The following PXDNL variants were observed in gnomAD, a reference collection of about 807,000 sequenced individuals.
PXDNL encodes peroxidasin like.
Under a neutral mutation model 150.8 loss-of-function variants are expected in PXDNL, and 145 were observed. That is an observed-to-expected ratio of 0.96 (90% CI 0.84 to 1.10). PXDNL has a LOEUF of 1.10. Among genes scored for constraint, PXDNL ranks in the 50% least tolerant of loss-of-function variants. The pLI, the probability that PXDNL is intolerant of heterozygous loss-of-function variation, is 0.00. For missense variants in PXDNL, 2,087 were observed against 1,873.9 expected (o/e 1.11, Z -2.10); for synonymous variants, 757 against 725.7 (o/e 1.04, Z -0.69).
intron 1 of PXDNL, among the ~76,000 whole-genome samples, chr8:51,747,723 A>C (rs1174863794): frequency 6.6e-6 from 1 of 152,228 alleles, no homozygotes; most frequent in African/African-American, 2.4e-5. Context: ...CTGGTGTCAC[A>C]GTAGCTCTGT....
rs1816882430 is a variant in PXDNL at position 51,729,764 on chromosome 8, T to G, written c.165-75004A>C. Among the ~76,000 whole-genome samples, 4 of 152,228 alleles carry G rather than the reference T, an allele frequency of 2.6e-5. No homozygotes were observed. The South Asian group carries it at 8.3e-4, about 32-fold the overall frequency. On this transcript the variant is annotated intron_variant, in intron 1 of 22. Transcript: ENST00000356297. Reference sequence around the variant, plus strand: ...AATAAGATGTCTTTCATCAGGTGAATGGATAAACTGTAGTACATCCACACC... The same window carrying G: ...AATAAGATGTCTTTCATCAGGTGAAGGGATAAACTGTAGTACATCCACACC...
chr8:51,636,428 AATGTGT>A (rs1814604123), intron 2 of PXDNL, among the ~76,000 whole-genome samples: 1 of 152,216 alleles, frequency 6.6e-6, no homozygotes. Context: ...CAGATGGCAT[AATGTGT>A]ATCTAGAAAA....
chr8:51,461,228 C>A (rs1810071758), intron 8 of PXDNL, among the ~76,000 whole-genome samples: 1 of 152,202 alleles, frequency 6.6e-6, no homozygotes, highest in South Asian at 2.1e-4. Flanking sequence ...AGAGGAGGAA[C>A]TGCCAATCTC....
intron 7 of PXDNL, among the ~76,000 whole-genome samples, chr8:51,473,006 T>C (rs1810382134): frequency 6.6e-6 from 1 of 152,168 alleles, no homozygotes. Context: ...TTATCTGAAA[T>C]TTCCTGTCAT....
intron 1 of PXDNL, among the ~76,000 whole-genome samples, chr8:51,779,380 C>G (rs922363363): frequency 2.0e-5 from 3 of 152,180 alleles, no homozygotes; most frequent in African/African-American, 7.2e-5. Flanking sequence ...GAACTGCCAT[C>G]CAATCCAAAC....
chr8:51,651,553 A>T (rs111515366), intron 2 of PXDNL, among the ~76,000 whole-genome samples: 2 of 152,150 alleles, frequency 1.3e-5, no homozygotes, highest in African/African-American at 4.8e-5. Flanking sequence ...TTGCTTTTCA[A>T]TTAGGCCTTC....
At chr8:51,805,631 C>G (rs2037668010) in intron 1 of PXDNL, among the ~76,000 whole-genome samples, 2 of 151,798 alleles carry the variant, frequency 1.3e-5, no homozygotes. Flanking sequence ...ATTATTTGGA[C>G]AGCAAAGAAA....
At chr8:51,693,858 A>G (rs1317255647) in intron 1 of PXDNL, among the ~76,000 whole-genome samples, 1 of 152,228 alleles carries the variant, frequency 6.6e-6, no homozygotes, top group Non-Finnish European at 1.5e-5. Flanking sequence ...ACTATAAATG[A>G]CACAAAACAT....
At chr8:51,808,866 A>C (rs895805022) in intron 1 of PXDNL, among the ~76,000 whole-genome samples, 2 of 152,230 alleles carry the variant, frequency 1.3e-5, no homozygotes, top group African/African-American at 4.8e-5. Context: ...GTAGAGGATG[A>C]ATAGGAATAA....
intron 4 of PXDNL, among the ~76,000 whole-genome samples, chr8:51,515,360 G>A (rs1475846441): frequency 1.3e-5 from 2 of 152,148 alleles, no homozygotes; most frequent in Non-Finnish European, 2.9e-5. Context: ...AGGCATTGTC[G>A]AGAGGTGGAG....
At chr8:51,517,746 A>G (rs1811575793) in intron 4 of PXDNL, among the ~76,000 whole-genome samples, 1 of 152,196 alleles carries the variant, frequency 6.6e-6, no homozygotes, top group South Asian at 2.1e-4. Flanking sequence ...TCAGAGGGAG[A>G]GCCGAGATTA....
At chr8:51,348,872 G>T (rs1444531923) in intron 19 of PXDNL, among the ~76,000 whole-genome samples, 2 of 152,114 alleles carry the variant, frequency 1.3e-5, no homozygotes, top group Non-Finnish European at 2.9e-5. Context: ...AGACTCAAAA[G>T]CCATAACACT....
rs577865133 is a variant in PXDNL, at chr8:51,461,302, G to A, written c.813-3635C>T. The stretch of plus-strand genomic sequence containing the variant: ...GCACAGGAGCTGGGTGTGCTTCCCC[G>A]CCACAGGGCTAGTATGGGAAGGGTG... On this transcript the variant is annotated intron_variant, in intron 8 of 22. Coordinates refer to ENST00000356297, the MANE Select transcript of PXDNL (RefSeq NM_144651.5). Among the ~76,000 whole-genome samples the A allele has an allele frequency of 5.3e-5, 8 of 152,312 alleles. No individual in the cohort carries two copies. In the South Asian group the frequency reaches 6.2e-4, roughly 12 times the overall value.
At chr8:51,358,745 T>C (rs148599790) in intron 19 of PXDNL, among the ~76,000 whole-genome samples, 1 of 152,244 alleles carries the variant, frequency 6.6e-6, no homozygotes, top group African/African-American at 2.4e-5. Context: ...AAGATGGGCC[T>C]TCTTCCCCTC....
chr8:51,755,361 G>C (rs1339241338), intron 1 of PXDNL, among the ~76,000 whole-genome samples: 1 of 150,878 alleles, frequency 6.6e-6, no homozygotes, highest in Non-Finnish European at 1.5e-5. Flanking sequence ...GGGGCACTAT[G>C]TTGGCTCACT....
intron 2 of PXDNL, among the ~76,000 whole-genome samples, chr8:51,605,111 A>G (rs1813813708): frequency 6.6e-6 from 1 of 152,180 alleles, no homozygotes; most frequent in Non-Finnish European, 1.5e-5. Flanking sequence ...GTATTTTCTT[A>G]TATTATTGCC....
chr8:51,502,991 T>G (rs1811218937), intron 4 of PXDNL, among the ~76,000 whole-genome samples: 1 of 152,218 alleles, frequency 6.6e-6, no homozygotes, highest in Admixed American at 6.5e-5. Flanking sequence ...CGATTTAATA[T>G]TTAAATATTT....
intron 1 of PXDNL, among the ~76,000 whole-genome samples, chr8:51,677,286 G>A (rs554235224): frequency 6.6e-6 from 1 of 152,228 alleles, no homozygotes; most frequent in East Asian, 1.9e-4. Context: ...CAGATAATCT[G>A]TGTAATATAT....
At chr8:51,522,436 G>T (rs1433761584) in intron 4 of PXDNL, among the ~76,000 whole-genome samples, 1 of 152,164 alleles carries the variant, frequency 6.6e-6, no homozygotes, top group Non-Finnish European at 1.5e-5. Flanking sequence ...CAGCATTAAA[G>T]GACTTATTGA....
Sources: gnomAD v4.1 joint callset for allele counts (sites outside exome capture counted in the v4.1 genomes callset) on GRCh38, gnomAD v4.1.1 for gene constraint, MANE v1.5 for transcripts, NCBI Gene and HGNC (gene_info 2026-07-23, HGNC 2026-07-21) for gene names.